The following SPRED1 variants were observed in gnomAD, a reference collection of about 807,000 sequenced individuals.
SPRED1 encodes sprouty-related, EVH1 domain-containing protein 1.
SPRED1 carries 18 observed loss-of-function variants against 52.3 expected under a neutral mutation model. That is an observed-to-expected ratio of 0.34 (90% CI 0.24 to 0.51). The LOEUF (loss-of-function observed/expected upper bound fraction) is 0.51. Ranked by LOEUF, SPRED1 falls within the 20% of genes least tolerant of loss-of-function variation. The probability of loss-of-function intolerance (pLI) is 0.97; values close to 1 mark genes in which losing one functional copy is unlikely to be tolerated. For missense variants in SPRED1, 485 were observed against 551.0 expected (o/e 0.88, Z 1.20); for synonymous variants, 155 against 179.7 (o/e 0.86, Z 1.10).
At chr15:38,336,559 T>TA (rs2141005275) in intron 4 of SPRED1, among the ~76,000 whole-genome samples, 1 of 148,066 alleles carries the variant, frequency 6.8e-6, no homozygotes, top group East Asian at 1.9e-4. Context: ...CCAATTTTGA[T>TA]TATATATATA....
chr15:38,293,498 T>G (rs1194067838), intron 1 of SPRED1, among the ~76,000 whole-genome samples: 1 of 152,202 alleles, frequency 6.6e-6, no homozygotes, highest in Non-Finnish European at 1.5e-5. Context: ...TTTTTAGAGT[T>G]GCCAGTGCTA....
At chr15:38,287,478 C>T (rs752173072) in intron 1 of SPRED1, among the ~76,000 whole-genome samples, 39 of 152,094 alleles carry the variant, frequency 2.6e-4, no homozygotes, top group Non-Finnish European at 2.9e-5. Context: ...CCTGTATGAG[C>T]TGGTCCATAT....
intron 1 of SPRED1, among the ~76,000 whole-genome samples, chr15:38,276,216 T>G (rs1485625245): frequency 2.0e-5 from 3 of 151,832 alleles, no homozygotes; most frequent in Admixed American, 6.6e-5. Context: ...GAATGTTTTT[T>G]TTTTTTTTTT....
chr15:38,279,062 A>G (rs948957372), intron 1 of SPRED1, among the ~76,000 whole-genome samples: 5 of 152,048 alleles, frequency 3.3e-5, no homozygotes, highest in African/African-American at 1.2e-4. Context: ...TCCTGACCTC[A>G]TGACCTACCC....
chr15:38,261,634 C>T (rs560537637), intron 1 of SPRED1, among the ~76,000 whole-genome samples: 255 of 152,142 alleles, frequency 1.7e-3, no homozygotes, highest in South Asian at 0.011. Context: ...AGTGCAGTGG[C>T]GCCATCTCGG....
intron 2 of SPRED1, among the ~76,000 whole-genome samples, chr15:38,319,808 TA>T (rs1318617751): frequency 2.0e-5 from 3 of 152,228 alleles, no homozygotes; most frequent in African/African-American, 7.2e-5. Flanking sequence ...TCTGAATTAA[TA>T]AAACTTACTA....
intron 1 of SPRED1, 103 bp downstream of exon 1, chr15:38,253,320 C>T: frequency 8.8e-7 from 1 of 1,130,590 alleles, no homozygotes; most frequent in Non-Finnish European, 1.3e-6. Context: ...GCTTGCGACC[C>T]TGGAGAGTTC....
At chr15:38,317,879 G>C (rs1026058684) in intron 2 of SPRED1, among the ~76,000 whole-genome samples, 1 of 144,798 alleles carries the variant, frequency 6.9e-6, no homozygotes, top group Non-Finnish European at 1.5e-5. Flanking sequence ...ATCTGTCTCT[G>C]TTACTTAATC....
At chr15:38,306,843 T>C (rs1190560871) in intron 2 of SPRED1, among the ~76,000 whole-genome samples, 1 of 152,212 alleles carries the variant, frequency 6.6e-6, no homozygotes, top group Non-Finnish European at 1.5e-5. Context: ...CTTTCTTCTT[T>C]CAAACCCTGC....
intron 4 of SPRED1, among the ~76,000 whole-genome samples, chr15:38,332,976 G>A (rs1410817967): frequency 1.3e-5 from 2 of 152,132 alleles, no homozygotes; most frequent in African/African-American, 4.8e-5. Flanking sequence ...ACAGCACTCT[G>A]GAGTCTCTTT....
At chr15:38,292,132 A>G (rs1273139400) in intron 1 of SPRED1, among the ~76,000 whole-genome samples, 2 of 152,128 alleles carry the variant, frequency 1.3e-5, no homozygotes, top group Non-Finnish European at 2.9e-5. Context: ...AAGTTCCACA[A>G]ATCTCTAGGG....
chr15:38,283,742 T>C (rs1566854611), intron 1 of SPRED1, among the ~76,000 whole-genome samples: 1 of 152,200 alleles, frequency 6.6e-6, no homozygotes, highest in Non-Finnish European at 1.5e-5. Context: ...TGCGAATCAC[T>C]TACCCTCTTG....
chr15:38,278,830 T>TTTTTTG (rs1187686000), intron 1 of SPRED1, among the ~76,000 whole-genome samples: 5 of 147,336 alleles, frequency 3.4e-5, no homozygotes, highest in Middle Eastern at 3.4e-3. Flanking sequence ...ACTACACTGT[T>TTTTTTG]TTTTTTTTTT....
intron 4 of SPRED1, among the ~76,000 whole-genome samples, chr15:38,327,511 A>T (rs529011242): frequency 6.6e-6 from 1 of 152,214 alleles, no homozygotes; most frequent in Non-Finnish European, 1.5e-5. Context: ...ACTCTGGGAG[A>T]AGCCAGCCAC....
intron 6 of SPRED1, among the ~76,000 whole-genome samples, chr15:38,349,820 G>T (rs1888442420): frequency 6.6e-6 from 1 of 152,122 alleles, no homozygotes; most frequent in Non-Finnish European, 1.5e-5. Flanking sequence ...AATTTTCTTA[G>T]CCCTAATTCC....
At chr15:38,304,784 TCC>T (rs1233472100) in intron 2 of SPRED1, among the ~76,000 whole-genome samples, 1 of 152,178 alleles carries the variant, frequency 6.6e-6, no homozygotes, top group Non-Finnish European at 1.5e-5. Context: ...TCTTTTTTAT[TCC>T]CCTCCTACTG....
At chr15:38,319,499 C>G (rs1203331464) in intron 2 of SPRED1, among the ~76,000 whole-genome samples, 2 of 152,144 alleles carry the variant, frequency 1.3e-5, no homozygotes, top group Non-Finnish European at 2.9e-5. Flanking sequence ...CCTGGCTCAG[C>G]CTCTCGAGTA....
At chr15:38,287,129 C>T (rs1006580708) in intron 1 of SPRED1, among the ~76,000 whole-genome samples, 3 of 152,026 alleles carry the variant, frequency 2.0e-5, no homozygotes, top group Non-Finnish European at 4.4e-5. Flanking sequence ...TGTAATAAGG[C>T]CTTTATTCTA....
chr15:38,351,082 A>G lies in SPRED1; in HGVS notation c.753A>G (p.Arg251=), dbSNP rs1042940854. ...ATGAGATTGTCAGAATAAACCCTCG[A>G]GATATCTTAATACGTCGCTATGCAG... The part of the protein sequence containing the change: ...DEDEIVRINP[R]DILIRRYADY... The change falls in exon 7 of 7, where the codon CGA becomes CGG. Residue 251 remains arginine (R), a synonymous_variant. Transcript: ENST00000299084. The G allele has an allele frequency of 1.2e-6, 2 of 1,614,016 alleles. No homozygotes were observed. Among genetic ancestry groups the G allele is most frequent in the Non-Finnish European group, 1.7e-6 (2 of 1,179,980 alleles).
Sources: gnomAD v4.1 joint callset for allele counts (sites outside exome capture counted in the v4.1 genomes callset) on GRCh38, gnomAD v4.1.1 for gene constraint, MANE v1.5 for transcripts, NCBI Gene and HGNC (gene_info 2026-07-23, HGNC 2026-07-21) for gene names.